UTP20: variants seen among roughly 807,000 people sequenced by gnomAD.
UTP20 encodes the protein small subunit processome component 20 homolog.
UTP20 carries 164 observed loss-of-function variants against 329.5 expected under a neutral mutation model. The ratio of observed to expected loss-of-function variants is 0.50; its 90% CI spans 0.44 to 0.57. UTP20 has a LOEUF of 0.57. Among genes scored for constraint, UTP20 ranks in the 20% least tolerant of loss-of-function variants. UTP20 has a pLI of 0.00. For missense variants in UTP20, 3,055 were observed against 3,284.2 expected (o/e 0.93, Z 1.71); for synonymous variants, 1,151 against 1,159.3 (o/e 0.99, Z 0.14).
At chr12:101,321,479 T>C in intron 24 of UTP20, 25 bp from the exon 25 acceptor site, 1 of 1,610,596 alleles carries the variant, frequency 6.2e-7, no homozygotes, top group Non-Finnish European at 8.5e-7. Flanking sequence ...AAAGTGGTGA[T>C]TTGTGCTGTT....
Position 101,280,377 on chromosome 12 carries a change from C to G in UTP20, c.45+50C>G, listed in dbSNP as rs953339016. 3.9e-6 allele frequency: 6 copies of G among 1,549,330 alleles called. No homozygotes were observed. The Admixed American group carries it at 1.2e-4, about 30-fold the overall frequency. On this transcript the variant is annotated intron_variant, in intron 1 of 61. Coordinates refer to ENST00000261637, the MANE Select transcript of UTP20 (RefSeq NM_014503.3). ...AGCCGCGGGTCTCCGCTGCCTCAGT[C>G]GTGAGACAGGCTCTGAGCGAGACTC... is the stretch of plus-strand genomic sequence containing the variant.
At position 101,338,081 on chromosome 12, in the gene UTP20, T is replaced by C; in HGVS notation, c.3672T>C (p.Pro1224=). Residue 1224 remains proline, a synonymous_variant, in exon 30 of 62, where the codon CCT becomes CCC. Coordinates refer to ENST00000261637, the MANE Select transcript of UTP20 (RefSeq NM_014503.3). ...RYFPLLAKQK[P]GHPECDILTN... The stretch of plus-strand genomic sequence containing the variant: ...TCCCTTTGCTGGCTAAACAGAAGCC[T>C]GGGCACCCAGAATGTGATATCCTGA... The C allele has an allele frequency of 6.2e-7, 1 of 1,614,186 alleles. No homozygotes were observed. The highest frequency in any genetic ancestry group is 8.5e-7 in the Non-Finnish European group (1 of 1,180,014).
chr12:101,371,279 C>G, intron 51 of UTP20, 111 bp downstream of exon 51: 2 of 813,952 alleles, frequency 2.5e-6, no homozygotes, highest in Non-Finnish European at 3.7e-6. Flanking sequence ...CGTATTGTTG[C>G]TTTATGCTGA....
chr12:101,333,358 G>T lies in UTP20; in HGVS notation c.3475G>T (p.Val1159Leu), dbSNP rs376738828. 6.2e-7 allele frequency: 1 copy of T among 1,613,788 alleles called. No homozygotes were observed. The highest frequency in any genetic ancestry group is 1.3e-5 in the African/African-American group (1 of 74,898). The change falls in exon 28 of 62, where the codon GTA becomes TTA. Residue 1159 changes from valine to leucine, a missense_variant. By Grantham distance (32) the Val-to-Leu change is conservative. Around this residue, in one of 3 missense-constraint regions of UTP20, gnomAD observed 2,445 missense variants for 2,575.5 expected, o/e 0.95. Coordinates refer to ENST00000261637, the MANE Select transcript of UTP20 (RefSeq NM_014503.3). ...TTTAAGACGTCTTGGAATCAAAATG[G>T]TAACTGATATCTTTTTGGACTGGGA... is the stretch of plus-strand genomic sequence containing the variant. The part of the protein sequence containing the change: ...KNLRRLGIKM[V>L]TDIFLDWESY...
chr12:101,342,026 A>C (rs1179777824), intron 32 of UTP20, among the ~76,000 whole-genome samples: 3 of 152,216 alleles, frequency 2.0e-5, no homozygotes, highest in Admixed American at 2.0e-4. Context: ...TAAAATATAC[A>C]GAAGGGTGTG....
At chr12:101,338,645 T>C (rs1250312645) in intron 30 of UTP20, among the ~76,000 whole-genome samples, 168 bp from the exon 31 acceptor site, 1 of 152,214 alleles carries the variant, frequency 6.6e-6, no homozygotes, top group Non-Finnish European at 1.5e-5. Flanking sequence ...ATATAGCTAT[T>C]TTGAATAAGA....
Position 101,379,388 on chromosome 12 carries a change from C to T in UTP20, c.7414C>T (p.Leu2472=). Residue 2472 remains leucine, a synonymous_variant, in exon 57 of 62, where the codon CTG becomes TTG. Transcript: ENST00000261637. ...SKIWSHVHSH[L]RHPHNWVWLT... ...TCCCTTAGGTCATGTGCATTCTCAC[C>T]TGAGACATCCACACAACTGGGTGTG... is the stretch of plus-strand genomic sequence containing the variant. 1.2e-6 allele frequency: 2 copies of T among 1,610,690 alleles called. No individual in the cohort carries two copies. The highest frequency in any genetic ancestry group is 1.7e-6 in the Non-Finnish European group (2 of 1,177,728).
In UTP20 at chr12:101,338,245, G is replaced by T. The variant is rs763747390; in HGVS notation, c.3836G>T (p.Cys1279Phe). 2 of 1,614,038 alleles carry T rather than the reference G, an allele frequency of 1.2e-6. No homozygotes were observed. The highest frequency in any genetic ancestry group is 1.7e-6 in the Non-Finnish European group (2 of 1,180,018). Reference sequence around the variant, plus strand: ...GTTTTGAACTTGCTGGTAACTGGATGTGTATACCCTGGCATAGCAGAAAAC... The same window carrying T: ...GTTTTGAACTTGCTGGTAACTGGATTTGTATACCCTGGCATAGCAGAAAAC... ...ETVLNLLVTG[C>F]VYPGIAENIG... Residue 1279 changes from cysteine to phenylalanine, a missense_variant, in exon 30 of 62, where the codon TGT becomes TTT. This residue lies in a region of UTP20 where 2,445 missense variants were observed against 2,575.5 expected (regional missense o/e 0.95). Coordinates refer to ENST00000261637, the MANE Select transcript of UTP20 (RefSeq NM_014503.3).
rs1197754638 is a variant in UTP20 at position 101,317,613 on chromosome 12, G to T, written c.2688G>T (p.Val896=). 5 of 1,613,796 alleles carry T rather than the reference G, an allele frequency of 3.1e-6. No homozygotes were observed. The highest frequency in any genetic ancestry group is 3.3e-5 in the Admixed American group (2 of 59,994). The change falls in exon 22 of 62, where the codon GTG becomes GTT. Residue 896 remains valine, a synonymous_variant. Coordinates refer to ENST00000261637, the MANE Select transcript of UTP20 (RefSeq NM_014503.3). The stretch of plus-strand genomic sequence containing the variant: ...ATGAAGAGTTGGAGGAAGAGGCAGT[G>T]CCCCAAGATGAATCCTCACAGAAGA... ...GDDEELEEEA[V]PQDESSQKKK... is the part of the protein sequence containing the mutation.
rs185545231 is a variant in UTP20 at position 101,305,639 on chromosome 12, C to G, written c.1782-276C>G. Among the ~76,000 whole-genome samples the G allele has an allele frequency of 2.7e-4, 40 of 148,308 alleles. 2 individuals carry two copies. Among genetic ancestry groups the G allele is most frequent in the Non-Finnish European group, 4.3e-4 (29 of 67,448 alleles). On this transcript the variant is annotated intron_variant, in intron 15 of 61. Transcript: ENST00000261637. Reference sequence around the variant, plus strand: ...TATATATATATATATAAGTGGCTGTCATTTACAACTATGTGGATTGAAGAG... The same window carrying G: ...TATATATATATATATAAGTGGCTGTGATTTACAACTATGTGGATTGAAGAG...
chr12:101,353,402 T>C (rs776690762), intron 40 of UTP20, among the ~76,000 whole-genome samples: 14 of 152,176 alleles, frequency 9.2e-5, no homozygotes, highest in Non-Finnish European at 2.1e-4. Context: ...CACCTTCTTG[T>C]GTGAAAAGAG....
At chr12:101,303,564 G>A (rs1323834643) in intron 15 of UTP20, among the ~76,000 whole-genome samples, 1 of 152,176 alleles carries the variant, frequency 6.6e-6, no homozygotes, top group Non-Finnish European at 1.5e-5. Context: ...CTGTGGGGGT[G>A]GTGGGTGCCT....
chr12:101,334,984 A>AAG, intron 29 of UTP20, among the ~76,000 whole-genome samples: 1 of 151,952 alleles, frequency 6.6e-6, no homozygotes, highest in African/African-American at 2.4e-5. Context: ...AAAAAAAAAA[A>AAG]GATAAAAAGA....
chr12:101,375,540 G>GT, intron 55 of UTP20, 84 bp from the exon 56 acceptor site: 2 of 1,449,708 alleles, frequency 1.4e-6, no homozygotes, highest in Non-Finnish European at 9.5e-7. Flanking sequence ...TCAGAAACGG[G>GT]TGGATTGATG....
In UTP20 at chr12:101,381,201, TAGG is replaced by T; in HGVS notation, c.7649_7651del (p.Gly2550del). The T allele has an allele frequency of 6.2e-7, 1 of 1,613,218 alleles. No individual in the cohort carries two copies. The highest frequency in any genetic ancestry group is 8.5e-7 in the Non-Finnish European group (1 of 1,179,152). The stretch of plus-strand genomic sequence containing the variant: ...CATTCCAAATTCTTGGATCAGTCTC[TAGG>T]AGAACAGGTAAGAATTGTAGTTCTC... On this transcript the variant is annotated inframe_deletion, in exon 58 of 62. Coordinates refer to ENST00000261637, the MANE Select transcript of UTP20 (RefSeq NM_014503.3).
chr12:101,331,879 C>T (rs534350113), intron 27 of UTP20, among the ~76,000 whole-genome samples: 1 of 151,872 alleles, frequency 6.6e-6, no homozygotes, highest in South Asian at 2.1e-4. Context: ...TGAATCTTCT[C>T]CCATTTGTTT....
chr12:101,366,572 C>A lies in UTP20; in HGVS notation c.6140C>A (p.Pro2047Gln), dbSNP rs1304078142. ...LTEKEKNPVA[P>Q]APDPRLPPQS... is the part of the protein sequence containing the mutation. ...GTGATTGACAGAAATCCAGTAGCCCCAGCACCAGATCCACGTCTACCACCC... is the reference window on the plus strand; with the variant it reads ...GTGATTGACAGAAATCCAGTAGCCCAAGCACCAGATCCACGTCTACCACCC... The change falls in exon 47 of 62, where the codon CCA becomes CAA. Residue 2047 changes from proline (P) to glutamine (Q), a missense_variant. Pro to Gln is a moderately conservative substitution (Grantham distance 76). This residue lies in a region of UTP20 where 2,445 missense variants were observed against 2,575.5 expected (regional missense o/e 0.95). Coordinates refer to ENST00000261637, the MANE Select transcript of UTP20 (RefSeq NM_014503.3). The A allele has an allele frequency of 6.2e-7, 1 of 1,613,496 alleles. No individual in the cohort carries two copies.
rs77834422 is a variant in UTP20, at chr12:101,306,055, G to C, written c.1922G>C (p.Gly641Ala). 3.1e-6 allele frequency: 5 copies of C among 1,612,568 alleles called. No individual in the cohort carries two copies. Among genetic ancestry groups the C allele is most frequent in the Non-Finnish European group, 2.5e-6 (3 of 1,179,206 alleles). Residue 641 changes from glycine (G) to alanine (A), a missense_variant, in exon 16 of 62, where the codon GGT becomes GCT. Physicochemically the swap from Gly to Ala is moderately conservative, Grantham distance 60. This residue lies in a region of UTP20 where 2,445 missense variants were observed against 2,575.5 expected (regional missense o/e 0.95). Coordinates refer to ENST00000261637, the MANE Select transcript of UTP20 (RefSeq NM_014503.3). ...FPKLQANIST[G>A]VSKIRLLTIR... ...AAGTTACAAGCAAACATTTCAACTGGTGTATCCAAGGTAATGGTGTTTTGT... is the reference window on the plus strand; with the variant it reads ...AAGTTACAAGCAAACATTTCAACTGCTGTATCCAAGGTAATGGTGTTTTGT...
rs1365993412 is a variant in UTP20 at position 101,280,328 on chromosome 12, G to A, written c.45+1G>A. On this transcript the variant is annotated splice_donor_variant, in intron 1 of 61. Transcript: ENST00000261637. LOFTEE classifies it high-confidence loss of function. ...CCACAAGACCGAGAACACCTACCGG[G>A]TGAGCGCGGGAGCTTAGGCAGGGAG... is the stretch of plus-strand genomic sequence containing the variant. 2.6e-6 allele frequency: 4 copies of A among 1,551,750 alleles called. No homozygotes were observed. The Admixed American group carries it at 5.9e-5, about 23-fold the overall frequency.
Sources: gnomAD v4.1 joint callset for allele counts (sites outside exome capture counted in the v4.1 genomes callset) on GRCh38, gnomAD v4.1.1 for gene constraint, gnomAD v4.1.1 regional missense constraint, MANE v1.5 for transcripts, NCBI Gene and HGNC (gene_info 2026-07-23, HGNC 2026-07-21) for gene names.